The following DIABLO variants were observed in gnomAD, a reference collection of about 807,000 sequenced individuals.
The protein encoded by DIABLO is diablo homolog, mitochondrial.
In DIABLO, 32 loss-of-function variants were observed where a neutral mutation model predicts 31.7. That is an observed-to-expected ratio of 1.01 (90% CI 0.76 to 1.35). DIABLO has a LOEUF of 1.35. Ranked by LOEUF, DIABLO falls within the 40% of genes most tolerant of loss-of-function variation. The pLI is 0.00. For missense variants in DIABLO, 316 were observed against 286.4 expected, an observed-to-expected ratio of 1.10 and a Z score of -0.75; for synonymous variants, 132 against 103.2, an observed-to-expected ratio of 1.28 and a Z score of -1.69.
intron 3 of DIABLO, 72 bp downstream of exon 3, chr12:122,218,194 G>A (rs1954256316): frequency 6.4e-7 from 1 of 1,552,860 alleles, no homozygotes; most frequent in African/African-American, 1.4e-5. Flanking sequence ...ATGGGTATCA[G>A]ACACAATTTG....
In DIABLO at chr12:122,211,544, TA is replaced by T. The variant is rs572985937; in HGVS notation, c.524-2968del. Among the ~76,000 whole-genome samples the T allele has an allele frequency of 3.7e-3, 537 of 143,778 alleles. 5 individuals are homozygous for T. The highest frequency in any genetic ancestry group is 0.024 in the South Asian group (108 of 4,558). The allele number at this position is 143,778 out of a possible 152,430, so 94.3% of individuals were successfully genotyped here. On this transcript the variant is annotated intron_variant, in intron 5 of 5. Coordinates refer to ENST00000464942, the MANE Select transcript of DIABLO (RefSeq NM_001371333.1). ...GGGAACATAACAAGACACCAACTCT[TA>T]AAAAAAAAAAAGAAAATTAGTTGGG...
At chr12:122,212,489 C>T (rs1954109456) in intron 5 of DIABLO, among the ~76,000 whole-genome samples, 1 of 152,132 alleles carries the variant, frequency 6.6e-6, no homozygotes, top group South Asian at 2.1e-4. Context: ...TTATCGTCAC[C>T]TCTAGTGTTG....
In DIABLO at chr12:122,225,148, G is replaced by C. The variant is rs1487972190; in HGVS notation, c.51-504C>G. 8 of 298,098 alleles carry C rather than the reference G, an allele frequency of 2.7e-5. 1 individual carries two copies. Among genetic ancestry groups the C allele is most frequent in the Non-Finnish European group, 5.2e-5 (8 of 153,862 alleles). The allele number at this position is 298,098 out of a possible 1,614,324, so 18.5% of individuals were successfully genotyped here. On this transcript the variant is annotated intron_variant, in intron 1 of 5. Coordinates refer to ENST00000464942, the MANE Select transcript of DIABLO (RefSeq NM_001371333.1). ...GAATCGCTTGAACCTGGGAGGCAGAGGTTGCAGTGAGCCGAGAGCGCCCCA... is the reference window on the plus strand; with the variant it reads ...GAATCGCTTGAACCTGGGAGGCAGACGTTGCAGTGAGCCGAGAGCGCCCCA...
At chr12:122,225,530 G>A in intron 1 of DIABLO, 1 of 1,085,320 alleles carries the variant, frequency 9.2e-7, no homozygotes, top group South Asian at 2.6e-5. Flanking sequence ...AATCGCCCAG[G>A]AGCCTGCAGC....
chr12:122,216,184 T>TA (rs1954208300), intron 5 of DIABLO, among the ~76,000 whole-genome samples: 1 of 152,206 alleles, frequency 6.6e-6, no homozygotes, highest in Non-Finnish European at 1.5e-5. Flanking sequence ...TAAATTGTAT[T>TA]ACCAAAAGAA....
chr12:122,219,246 A>C (rs1327541296), intron 2 of DIABLO, among the ~76,000 whole-genome samples: 3 of 152,152 alleles, frequency 2.0e-5, no homozygotes, highest in African/African-American at 7.2e-5. Context: ...AAAAAACAAA[A>C]AACCAAAAAA....
At chr12:122,225,789 A>AGGGGGC in intron 1 of DIABLO, 176 bp downstream of exon 1, 3 of 1,455,500 alleles carry the variant, frequency 2.1e-6, no homozygotes, top group African/African-American at 2.9e-5. Flanking sequence ...GGCTTGACCC[A>AGGGGGC]GGGGGCGGAG....
At chr12:122,226,090 C>T, upstream of DIABLO, 5 of 1,544,972 alleles carry the variant, frequency 3.2e-6, no homozygotes, top group Non-Finnish European at 4.4e-6. Context: ...GCACGGCCTC[C>T]ACCTGAGAGC....
chr12:122,209,636 G>T (rs548283756), intron 5 of DIABLO: 2 of 660,682 alleles, frequency 3.0e-6, no homozygotes, highest in South Asian at 3.3e-5. Flanking sequence ...CTTCACTCCA[G>T]CCTAGGTGAG....
intron 5 of DIABLO, among the ~76,000 whole-genome samples, chr12:122,213,966 G>C (rs1954145762): frequency 6.6e-6 from 1 of 151,954 alleles, no homozygotes; most frequent in South Asian, 2.1e-4. Flanking sequence ...GCGCTTCCAA[G>C]CCCAACTACT....
intron 2 of DIABLO, among the ~76,000 whole-genome samples, chr12:122,222,938 TA>T (rs749706581): frequency 6.6e-6 from 1 of 151,882 alleles, no homozygotes; most frequent in Non-Finnish European, 1.5e-5. Flanking sequence ...TGGGGACCCC[TA>T]ATCTAGAGAA....
In DIABLO at chr12:122,216,888, C is replaced by G. The variant is rs770864451; in HGVS notation, c.316-19G>C. The G allele has an allele frequency of 3.8e-6, 6 of 1,589,682 alleles. No homozygotes were observed. Among genetic ancestry groups the G allele is most frequent in the Non-Finnish European group, 5.2e-6 (6 of 1,158,912 alleles). ...AAACAGCCTACAAATAGAGAATGAA[C>G]AAGTCTGAGTAAAGTAAGTGAGACA... is the stretch of plus-strand genomic sequence containing the variant. On this transcript the variant is annotated intron_variant, in intron 3 of 5. Transcript: ENST00000464942.
In DIABLO at chr12:122,208,552, G is replaced by A. The variant is rs1302783190; in HGVS notation, c.549C>T (p.Ala183=). The change falls in exon 6 of 6, where the codon GCC becomes GCT. Residue 183 remains alanine (A), a synonymous_variant. Transcript: ENST00000464942. The stretch of plus-strand genomic sequence containing the variant: ...GTTTCACCAGCTGAATGTGATTCCT[G>A]GCGGTTATAGAGGCCTGATCTGCGC... ...QTGADQASIT[A]RNHIQLVKLQ... 3 of 1,613,506 alleles carry A rather than the reference G, an allele frequency of 1.9e-6. No homozygotes were observed. Among genetic ancestry groups the A allele is most frequent in the Non-Finnish European group, 2.5e-6 (3 of 1,180,050 alleles).
At chr12:122,226,346 G>C (rs1954475769), upstream of DIABLO, 5 of 581,162 alleles carry the variant, frequency 8.6e-6, no homozygotes, top group Non-Finnish European at 1.2e-5. Context: ...GGCTTGAAGG[G>C]AATTTCCTGG....
chr12:122,220,758 G>GA (rs1367936682), intron 2 of DIABLO: 1 of 152,180 alleles, frequency 6.6e-6, no homozygotes, highest in Admixed American at 6.6e-5. Context: ...ACTGCATGTT[G>GA]AAAGAGGCAG....
intron 5 of DIABLO, chr12:122,209,670 A>T: frequency 1.5e-6 from 1 of 682,078 alleles, no homozygotes; most frequent in East Asian, 2.7e-5. Context: ...TCCCCCCCAA[A>T]AAAAAAAATG....
intron 5 of DIABLO, among the ~76,000 whole-genome samples, chr12:122,212,117 T>C (rs1449181882): frequency 6.6e-6 from 1 of 152,008 alleles, no homozygotes; most frequent in East Asian, 1.9e-4. Flanking sequence ...ATCATAGGTG[T>C]GAACTACTGC....
chr12:122,225,412 T>C (rs982833972), intron 1 of DIABLO: 2 of 995,396 alleles, frequency 2.0e-6, no homozygotes, highest in Admixed American at 5.6e-5. Flanking sequence ...AAATAAAATG[T>C]TGCCTTTAAA....
chr12:122,208,370 T>C lies in DIABLO; in HGVS notation c.*11A>G, dbSNP rs1593164345. 6.2e-7 allele frequency: 1 copy of C among 1,611,418 alleles called. No individual in the cohort carries two copies. Among genetic ancestry groups the C allele is most frequent in the East Asian group, 2.2e-5 (1 of 44,890 alleles). ...CACTGAGTGGGGAGACAGGGCAGTGTGCTCAGGCCCTCAATCCTCACGCAG... is the reference window on the plus strand; with the variant it reads ...CACTGAGTGGGGAGACAGGGCAGTGCGCTCAGGCCCTCAATCCTCACGCAG... On this transcript the variant is annotated 3_prime_UTR_variant, in exon 6 of 6. Coordinates refer to ENST00000464942, the MANE Select transcript of DIABLO (RefSeq NM_001371333.1).
Sources: gnomAD v4.1 joint callset for allele counts (sites outside exome capture counted in the v4.1 genomes callset) on GRCh38, gnomAD v4.1.1 for gene constraint, MANE v1.5 for transcripts, NCBI Gene and HGNC (gene_info 2026-07-23, HGNC 2026-07-21) for gene names.